UBASH3B: variants seen among roughly 807,000 people sequenced by gnomAD.
UBASH3B encodes the protein ubiquitin-associated and SH3 domain-containing protein B.
In UBASH3B, 37 loss-of-function variants were observed where a neutral mutation model predicts 83.4. That is an observed-to-expected ratio of 0.44 (90% CI 0.34 to 0.58). UBASH3B has a LOEUF of 0.58. UBASH3B is among the 20% of genes least tolerant of loss of function. The probability of loss-of-function intolerance (pLI) is 0.01; values close to 1 mark genes in which losing one functional copy is unlikely to be tolerated. For missense variants in UBASH3B, 657 were observed against 827.2 expected (o/e 0.79, Z 2.52); for synonymous variants, 304 against 318.3 (o/e 0.96, Z 0.48).
chr11:122,766,332 G>GTCAGGAGATCGAGACCATCCTGGC (rs1860536482), intron 1 of UBASH3B, among the ~76,000 whole-genome samples: 1 of 152,156 alleles, frequency 6.6e-6, no homozygotes, highest in African/African-American at 2.4e-5. Flanking sequence ...GGATCACGAG[G>GTCAGGAGATCGAGACCATCCTGGC]TCAGGAGATC....
At chr11:122,742,696 G>T (rs1028133697) in intron 1 of UBASH3B, among the ~76,000 whole-genome samples, 22 of 152,238 alleles carry the variant, frequency 1.4e-4, no homozygotes, top group African/African-American at 5.3e-4. Flanking sequence ...GCCTGGCATT[G>T]AGGCCATTTT....
intron 2 of UBASH3B, 42 bp from the exon 3 acceptor site, chr11:122,776,982 T>C: frequency 1.3e-6 from 2 of 1,523,734 alleles, no homozygotes; most frequent in South Asian, 2.5e-5. Flanking sequence ...CCCCTCCCAT[T>C]ATTCTCAAGC....
intron 1 of UBASH3B, among the ~76,000 whole-genome samples, chr11:122,720,978 G>A (rs1565540858): frequency 1.3e-5 from 2 of 152,152 alleles, no homozygotes; most frequent in Middle Eastern, 3.4e-3. Context: ...AGGCGCGGTG[G>A]CTCACGCCTG....
At chr11:122,694,437 G>A (rs1863935236) in intron 1 of UBASH3B, among the ~76,000 whole-genome samples, 1 of 152,178 alleles carries the variant, frequency 6.6e-6, no homozygotes, top group African/African-American at 2.4e-5. Flanking sequence ...GCACATGCCT[G>A]TAGTCCCAGC....
intron 10 of UBASH3B, among the ~76,000 whole-genome samples, chr11:122,800,264 G>T (rs1030100658): frequency 1.3e-5 from 2 of 152,026 alleles, no homozygotes; most frequent in African/African-American, 2.4e-5. Context: ...TGGGGGCCAG[G>T]CGCAGTGGCT....
Position 122,762,671 on chromosome 11 carries a change from G to A in UBASH3B, c.162-13548G>A, listed in dbSNP as rs151007851. 1.7e-3 allele frequency among the ~76,000 whole-genome samples: 264 copies of A among 152,300 alleles called. 2 individuals are homozygous for A. Among genetic ancestry groups the A allele is most frequent in the African/African-American group, 5.9e-3 (247 of 41,554 alleles). On this transcript the variant is annotated intron_variant, in intron 1 of 13. Coordinates refer to ENST00000284273, the MANE Select transcript of UBASH3B (RefSeq NM_032873.5). ...CAGTAGACTCCTGCCACCGTCACCC[G>A]TTCCCGGATGGTTTCTACCTCTGCA...
intron 1 of UBASH3B, among the ~76,000 whole-genome samples, chr11:122,686,541 C>T (rs551110791): frequency 6.6e-6 from 1 of 152,238 alleles, no homozygotes; most frequent in South Asian, 2.1e-4. Flanking sequence ...AACCATAAAA[C>T]TTGTTTGGGG....
In UBASH3B at chr11:122,809,970, C is replaced by T. The variant is rs1731935463; in HGVS notation, c.*84C>T. On this transcript the variant is annotated 3_prime_UTR_variant, in exon 14 of 14. Transcript: ENST00000284273. ...AAACAGTGGGAAAATCCACACCACA[C>T]TCTAAGTGGACAGCTCAGAATAATT... 3 of 1,486,560 alleles carry T rather than the reference C, an allele frequency of 2.0e-6. No homozygotes were observed. The highest frequency in any genetic ancestry group is 1.8e-6 in the Non-Finnish European group (2 of 1,089,892). 92.1% of individuals were successfully genotyped at this position (1,486,560 alleles called of 1,614,324 possible).
chr11:122,705,838 G>A (rs1295096982), intron 1 of UBASH3B, among the ~76,000 whole-genome samples: 2 of 152,086 alleles, frequency 1.3e-5, no homozygotes, highest in Admixed American at 6.6e-5. Context: ...TTTATCACAG[G>A]ACTTCGTTCC....
At chr11:122,772,734 C>T (rs1305886734) in intron 1 of UBASH3B, among the ~76,000 whole-genome samples, 7 of 152,202 alleles carry the variant, frequency 4.6e-5, no homozygotes, top group African/African-American at 1.7e-4. Context: ...CTGCTGTTCC[C>T]TCCCCTGTGG....
intron 6 of UBASH3B, among the ~76,000 whole-genome samples, chr11:122,793,980 G>A (rs1861105976): frequency 6.6e-6 from 1 of 152,142 alleles, no homozygotes. Context: ...CACTTCAGAT[G>A]GAAATTACCA....
At chr11:122,735,965 T>A (rs896024511) in intron 1 of UBASH3B, among the ~76,000 whole-genome samples, 1 of 152,154 alleles carries the variant, frequency 6.6e-6, no homozygotes, top group Non-Finnish European at 1.5e-5. Context: ...TATGGTTACA[T>A]CTGAGCTCTA....
At chr11:122,693,754 T>A (rs1437243752) in intron 1 of UBASH3B, among the ~76,000 whole-genome samples, 1 of 151,994 alleles carries the variant, frequency 6.6e-6, no homozygotes, top group African/African-American at 2.4e-5. Flanking sequence ...ATGCCTGTAA[T>A]CCTAACTACT....
intron 1 of UBASH3B, among the ~76,000 whole-genome samples, chr11:122,771,659 C>A (rs948561226): frequency 6.6e-6 from 1 of 151,342 alleles, no homozygotes; most frequent in Non-Finnish European, 1.5e-5. Context: ...TGTGGGCCAA[C>A]AAAAATACCA....
rs745545499 is a variant in UBASH3B at position 122,655,758 on chromosome 11, AG to A, written c.-287del. 96 of 345,332 alleles carry A rather than the reference AG, an allele frequency of 2.8e-4. No homozygotes were observed. The highest frequency in any genetic ancestry group is 4.2e-4 in the Non-Finnish European group (81 of 190,930). 21.4% of individuals were successfully genotyped at this position (345,332 alleles called of 1,614,324 possible). A position where few individuals can be genotyped will look rare whatever the true frequency, so the allele number is the denominator to read the frequency against. On this transcript the variant is annotated 5_prime_UTR_variant, in exon 1 of 14. Transcript: ENST00000284273. ...CCGGACTGCTAGGCGAGGAGAGGGAAGGGGGCGGAGGAGACAGGGCTACTGC... is the reference window on the plus strand; with the variant it reads ...CCGGACTGCTAGGCGAGGAGAGGGAAGGGGCGGAGGAGACAGGGCTACTGC...
chr11:122,785,823 G>T (rs532766478), intron 5 of UBASH3B, among the ~76,000 whole-genome samples: 8 of 152,260 alleles, frequency 5.3e-5, no homozygotes, highest in African/African-American at 1.9e-4. Flanking sequence ...GTATGGAAAG[G>T]CTCTAATGTA....
At chr11:122,666,321 T>G (rs1360771930) in intron 1 of UBASH3B, among the ~76,000 whole-genome samples, 2 of 152,236 alleles carry the variant, frequency 1.3e-5, no homozygotes, top group East Asian at 3.8e-4. Flanking sequence ...TTGTGTACAG[T>G]CTATTTAGAC....
chr11:122,784,640 C>T (rs998117985), intron 5 of UBASH3B, among the ~76,000 whole-genome samples: 1 of 152,200 alleles, frequency 6.6e-6, no homozygotes, highest in African/African-American at 2.4e-5. Context: ...CTTTTAACAT[C>T]TCTTTTAGAC....
Position 122,783,033 on chromosome 11 carries a change from CT to C in UBASH3B, c.602-15del. On this transcript the variant is annotated intron_variant, in intron 4 of 13. Transcript: ENST00000284273. Reference sequence around the variant, plus strand: ...TCATCACCACCTTTTAATTACTGACCTTTTTCTTCCTTTTTCCAGAAGTGCA... The same window carrying C: ...TCATCACCACCTTTTAATTACTGACCTTTTCTTCCTTTTTCCAGAAGTGCA... 1 of 1,605,822 alleles carries C rather than the reference CT, an allele frequency of 6.2e-7. No individual in the cohort carries two copies. Among genetic ancestry groups the C allele is most frequent in the Non-Finnish European group, 8.5e-7 (1 of 1,176,400 alleles).
Sources: gnomAD v4.1 joint callset for allele counts (sites outside exome capture counted in the v4.1 genomes callset) on GRCh38, gnomAD v4.1.1 for gene constraint, MANE v1.5 for transcripts, NCBI Gene and HGNC (gene_info 2026-07-23, HGNC 2026-07-21) for gene names.